OSBPL5: variants seen among roughly 807,000 people sequenced by gnomAD.
The protein encoded by OSBPL5 is oxysterol binding protein like 5, also known as oxysterol-binding protein-related protein 5.
A neutral mutation model predicts 111.2 loss-of-function variants in OSBPL5; 71 were observed. That is an observed-to-expected ratio of 0.64 (90% CI 0.53 to 0.78). The LOEUF is 0.78. Among genes scored for constraint, OSBPL5 ranks in the 30% least tolerant of loss-of-function variants. OSBPL5 has a pLI of 0.00. For synonymous variants in OSBPL5, 549 were observed against 513.9 expected, an observed-to-expected ratio of 1.07 and a Z score of -0.93; for missense variants, 1,210 against 1,189.3, an observed-to-expected ratio of 1.02 and a Z score of -0.26.
chr11:3,149,704 C>G (rs1385231377), intron 1 of OSBPL5, among the ~76,000 whole-genome samples: 1 of 152,210 alleles, frequency 6.6e-6, no homozygotes, highest in African/African-American at 2.4e-5. Context: ...CCCCGAGGCC[C>G]CTGCGCCCTG....
rs367916712 is a variant in OSBPL5, at chr11:3,092,300, G to T, written c.2259+132C>A. 2.4e-6 allele frequency: 3 copies of T among 1,259,732 alleles called. No homozygotes were observed. The allele number at this position is 1,259,732 out of a possible 1,614,324, so 78.0% of individuals were successfully genotyped here. On this transcript the variant is annotated intron_variant, in intron 19 of 21. Transcript: ENST00000263650. This position sits in a 1 kb window ranked among gnomAD's most constrained non-coding sequence, Gnocchi z 5.4. ...TGCTCGGCAGAGAAGGAAAGGGGAC[G>T]AGGGGGCTGGGGGATGAGGGCGTGA...
At chr11:3,138,206 G>A (rs983052996) in intron 1 of OSBPL5, among the ~76,000 whole-genome samples, 4 of 152,312 alleles carry the variant, frequency 2.6e-5, no homozygotes, top group African/African-American at 9.6e-5. Context: ...GGGTCAGCTG[G>A]CCTTGGTACC....
At chr11:3,134,594 C>A (rs907464645) in intron 1 of OSBPL5, among the ~76,000 whole-genome samples, 1 of 152,230 alleles carries the variant, frequency 6.6e-6, no homozygotes, top group African/African-American at 2.4e-5. Context: ...TGACTTTGTG[C>A]CTCTTTGGGC....
At position 3,106,638 on chromosome 11, in the gene OSBPL5, G is replaced by A. The variant is rs1230185991; in HGVS notation, c.1059+625C>T. ...CCTGCTGCCTCCCTTGAGCTCGTGC[G>A]CTGGTGGTCCTTCTTCTTGGAACGC... On this transcript the variant is annotated intron_variant, in intron 9 of 21. Transcript: ENST00000263650. This position sits in a 1 kb window ranked among gnomAD's most constrained non-coding sequence, Gnocchi z 8.4. Among the ~76,000 whole-genome samples, 5 of 152,160 alleles carry A rather than the reference G, an allele frequency of 3.3e-5. No individual in the cohort carries two copies. Among genetic ancestry groups the A allele is most frequent in the East Asian group, 1.9e-4 (1 of 5,194 alleles).
chr11:3,122,183 C>CCAGGGG (rs1381745435), intron 4 of OSBPL5, 85 bp from the exon 5 acceptor site: 25 of 1,426,252 alleles, frequency 1.8e-5, no homozygotes, highest in South Asian at 1.2e-4. Context: ...AGGGATGGGT[C>CCAGGGG]CAGGGGCAGG....
chr11:3,096,179 G>C (rs917467494), intron 14 of OSBPL5, among the ~76,000 whole-genome samples: 1 of 152,242 alleles, frequency 6.6e-6, no homozygotes, highest in Non-Finnish European at 1.5e-5. Context: ...CAGAGACCCA[G>C]CCAAACGGCC....
At chr11:3,103,803 G>GCC (rs1278640682) in intron 10 of OSBPL5, among the ~76,000 whole-genome samples, 1 of 42,804 alleles carries the variant, frequency 2.3e-5, no homozygotes, top group African/African-American at 6.0e-5. Context: ...TGCCTCTGCA[G>GCC]CCCTCTTCCT....
chr11:3,133,972 C>T (rs879292598), intron 1 of OSBPL5, among the ~76,000 whole-genome samples: 10 of 140,972 alleles, frequency 7.1e-5, no homozygotes, highest in Middle Eastern at 3.5e-3. Flanking sequence ...GGGAAGAAGG[C>T]GGGGCTTGGT....
At chr11:3,117,614 T>C (rs11025452) in intron 7 of OSBPL5, among the ~76,000 whole-genome samples, 38,856 of 152,176 alleles carry the variant, frequency 0.26, 5,156 homozygotes, top group Non-Finnish European at 0.28. Context: ...TTTCAAAAAC[T>C]ATAGTACAGC....
At position 3,093,519 on chromosome 11, in the gene OSBPL5, G is replaced by A. The variant is rs1283680096; in HGVS notation, c.1946+8C>T. On this transcript the variant is annotated splice_region_variant and intron_variant, in intron 17 of 21. Transcript: ENST00000263650. ...TCAGCAGGGTCCCTGGGCGCTGACA[G>A]GCCTCACCTCTCGGACTCCAGCTCC... The A allele has an allele frequency of 1.2e-6, 2 of 1,606,576 alleles. No homozygotes were observed. Among genetic ancestry groups the A allele is most frequent in the Non-Finnish European group, 1.7e-6 (2 of 1,179,304 alleles).
At chr11:3,123,597 G>A (rs183942965) in intron 3 of OSBPL5, among the ~76,000 whole-genome samples, 47 of 152,342 alleles carry the variant, frequency 3.1e-4, no homozygotes, top group South Asian at 8.3e-4. Context: ...CTGGCTGGGC[G>A]TCTGCGGGTG....
intron 1 of OSBPL5, among the ~76,000 whole-genome samples, chr11:3,138,845 G>A (rs750841763): frequency 6.6e-6 from 1 of 152,254 alleles, no homozygotes; most frequent in African/African-American, 2.4e-5. Context: ...AGCTGAGCAC[G>A]TGGCTGTGTC....
intron 1 of OSBPL5, among the ~76,000 whole-genome samples, chr11:3,138,852 T>G (rs1590705586): frequency 6.6e-6 from 1 of 152,242 alleles, no homozygotes; most frequent in African/African-American, 2.4e-5. Flanking sequence ...CACGTGGCTG[T>G]GTCTCCTCAT....
chr11:3,122,104 C>T lies in OSBPL5; in HGVS notation c.301-6G>A. On this transcript the variant is annotated splice_polypyrimidine_tract_variant and splice_region_variant and intron_variant, in intron 4 of 21. Coordinates refer to ENST00000263650, the MANE Select transcript of OSBPL5 (RefSeq NM_020896.4). ...CGGTAGTTCTCCTTCTGCGCCTGGGCCCGGGGCACCCGCGGTGGGTCATGG... is the reference window on the plus strand; with the variant it reads ...CGGTAGTTCTCCTTCTGCGCCTGGGTCCGGGGCACCCGCGGTGGGTCATGG... The T allele has an allele frequency of 2.6e-6, 4 of 1,556,174 alleles. No homozygotes were observed. Among genetic ancestry groups the T allele is most frequent in the Non-Finnish European group, 3.5e-6 (4 of 1,156,042 alleles).
chr11:3,149,644 T>C (rs1268309970), intron 1 of OSBPL5, among the ~76,000 whole-genome samples: 2 of 152,344 alleles, frequency 1.3e-5, no homozygotes, highest in Middle Eastern at 3.4e-3. Flanking sequence ...ACGGTCGTCC[T>C]GGGAGGCAGG....
rs1857676212 is a variant in OSBPL5, at chr11:3,105,957, C to T, written c.1059+1306G>A. 6.6e-6 allele frequency among the ~76,000 whole-genome samples: 1 copy of T among 152,224 alleles called. No homozygotes were observed. The highest frequency in any genetic ancestry group is 1.5e-5 in the Non-Finnish European group (1 of 68,028). On this transcript the variant is annotated intron_variant, in intron 9 of 21. Transcript: ENST00000263650. This position sits in a 1 kb window ranked among gnomAD's most constrained non-coding sequence, Gnocchi z 5.2. ...CAGGGTGTCCTCAGCTTTCTCCTAA[C>T]AATGGGTCTTCCCTACGGGTGGCCC... is the stretch of plus-strand genomic sequence containing the variant.
intron 1 of OSBPL5, among the ~76,000 whole-genome samples, chr11:3,138,763 C>T (rs569197981): frequency 5.9e-5 from 9 of 152,364 alleles, no homozygotes; most frequent in African/African-American, 1.9e-4. Context: ...CCCTGCAGGC[C>T]GCTGCCTACC....
chr11:3,120,368 G>A (rs1858360230), intron 6 of OSBPL5, 53 bp downstream of exon 6: 2 of 1,560,650 alleles, frequency 1.3e-6, no homozygotes, highest in South Asian at 2.3e-5. Flanking sequence ...CCCTAGGAAT[G>A]AGCCCCTTGG....
At chr11:3,120,768 G>A (rs1017265583) in intron 5 of OSBPL5, 144 bp from the exon 6 acceptor site, 67 of 830,342 alleles carry the variant, frequency 8.1e-5, no homozygotes, top group Non-Finnish European at 1.1e-4. Context: ...ACACCAGTTC[G>A]GAACTCACCC....
Sources: gnomAD v4.1 joint callset for allele counts (sites outside exome capture counted in the v4.1 genomes callset) on GRCh38, gnomAD v4.1.1 for gene constraint, Gnocchi (gnomAD v3.1) non-coding constraint, MANE v1.5 for transcripts, NCBI Gene and HGNC (gene_info 2026-07-23, HGNC 2026-07-21) for gene names.